RALYL: variants seen among roughly 807,000 people sequenced by gnomAD.
RALYL encodes RNA-binding Raly-like protein.
RALYL carries 29 observed loss-of-function variants against 35.1 expected under a neutral mutation model. The ratio of observed to expected loss-of-function variants is 0.83; its 90% CI spans 0.61 to 1.13. The LOEUF is 1.13. Ranked by LOEUF, RALYL falls within the 50% of genes most tolerant of loss-of-function variation. The pLI is 0.00. For synonymous variants in RALYL, 120 were observed against 127.6 expected (o/e 0.94, Z 0.40); for missense variants, 359 against 360.4 (o/e 1.00, Z 0.03).
At chr8:84,544,459 A>T (rs1003031021) in intron 2 of RALYL, among the ~76,000 whole-genome samples, 4 of 151,970 alleles carry the variant, frequency 2.6e-5, no homozygotes, top group Non-Finnish European at 5.9e-5. Flanking sequence ...TAAAAATTTC[A>T]TATCTTTTGG....
At chr8:84,449,078 G>GTTTT (rs1554671924) in intron 1 of RALYL, among the ~76,000 whole-genome samples, 202 of 124,266 alleles carry the variant, frequency 1.6e-3, no homozygotes, top group African/African-American at 5.4e-3. Flanking sequence ...TAGTTTTTTT[G>GTTTT]TTTTTTTTTT....
At chr8:84,525,230 T>C (rs1293821422) in intron 1 of RALYL, among the ~76,000 whole-genome samples, 3 of 152,024 alleles carry the variant, frequency 2.0e-5, no homozygotes, top group Non-Finnish European at 4.4e-5. Flanking sequence ...GGAGTTTTCA[T>C]AGATAGACAC....
At position 84,592,211 on chromosome 8, in the gene RALYL, C is replaced by G. The variant is rs535100962; in HGVS notation, c.256+62634C>G. Among the ~76,000 whole-genome samples the G allele has an allele frequency of 9.2e-5, 14 of 152,222 alleles. No individual in the cohort carries two copies. In the South Asian group the frequency reaches 2.9e-3, roughly 32 times the overall value. ...TCTCATAACTTGCTCTGTTTCCATA[C>G]CGCAGGGAATAGCAATTCTGTTTAA... On this transcript the variant is annotated intron_variant, in intron 2 of 8. Transcript: ENST00000521268.
chr8:84,378,985 T>C (rs1028892756), intron 1 of RALYL, among the ~76,000 whole-genome samples: 4 of 151,972 alleles, frequency 2.6e-5, no homozygotes, highest in Non-Finnish European at 1.5e-5. Context: ...TCTTGGAACC[T>C]GCCTGTTCTC....
intron 1 of RALYL, among the ~76,000 whole-genome samples, chr8:84,266,190 T>C (rs1833257615): frequency 2.0e-5 from 3 of 152,114 alleles, no homozygotes; most frequent in Non-Finnish European, 4.4e-5. Context: ...ATTCCCCAAA[T>C]ATACCTCTTG....
Position 84,543,125 on chromosome 8 carries a change from G to A in RALYL, c.256+13548G>A, listed in dbSNP as rs867491408. Among the ~76,000 whole-genome samples, 7 of 152,056 alleles carry A rather than the reference G, an allele frequency of 4.6e-5. No homozygotes were observed. The South Asian group carries it at 1.5e-3, about 32-fold the overall frequency. On this transcript the variant is annotated intron_variant, in intron 2 of 8. Coordinates refer to ENST00000521268, the MANE Select transcript of RALYL (RefSeq NM_173848.7). ...TGGAAATTATTAATTATATCTAGAG[G>A]CTTGATTAGATTCAGGTGGAATTTT...
At chr8:84,628,122 A>G (rs1823143816) in intron 2 of RALYL, among the ~76,000 whole-genome samples, 1 of 152,056 alleles carries the variant, frequency 6.6e-6, no homozygotes, top group South Asian at 2.1e-4. Flanking sequence ...AATCCTAACT[A>G]CTAAACTTGA....
At chr8:84,738,493 A>G (rs1847720029) in intron 2 of RALYL, among the ~76,000 whole-genome samples, 1 of 152,028 alleles carries the variant, frequency 6.6e-6, no homozygotes, top group Non-Finnish European at 1.5e-5. Context: ...GATTTGCATC[A>G]CTGGCAGAAA....
chr8:84,390,041 T>C (rs1367858526), intron 1 of RALYL, among the ~76,000 whole-genome samples: 1 of 152,142 alleles, frequency 6.6e-6, no homozygotes, highest in Non-Finnish European at 1.5e-5. Flanking sequence ...TTATTGACAG[T>C]TTTTTGCATG....
intron 2 of RALYL, among the ~76,000 whole-genome samples, chr8:84,634,573 A>G (rs1222599360): frequency 6.6e-6 from 1 of 151,840 alleles, no homozygotes; most frequent in Non-Finnish European, 1.5e-5. Context: ...TCATGTATTC[A>G]GTACATTTAT....
rs542950025 is a variant in RALYL, at chr8:84,818,063, G to T, written c.365+13261G>T. The stretch of plus-strand genomic sequence containing the variant: ...AAGTGTTAAGAGAATCCAATTCTCA[G>T]TTCAGAAGAGAGTGAAATCAGCACA... On this transcript the variant is annotated intron_variant, in intron 4 of 8. Transcript: ENST00000521268. Among the ~76,000 whole-genome samples the T allele has an allele frequency of 4.6e-5, 7 of 152,250 alleles. No individual in the cohort carries two copies. In the South Asian group the frequency reaches 1.5e-3, roughly 32 times the overall value.
intron 2 of RALYL, among the ~76,000 whole-genome samples, chr8:84,626,915 C>T (rs982089991): frequency 1.3e-5 from 2 of 152,098 alleles, no homozygotes; most frequent in African/African-American, 4.8e-5. Flanking sequence ...CTTTCACAGC[C>T]TTATTTCGTG....
rs959056509 is a variant in RALYL, at chr8:84,616,678, C to G, written c.256+87101C>G. 2.1e-3 allele frequency among the ~76,000 whole-genome samples: 313 copies of G among 151,700 alleles called. 8 individuals carry two copies. The highest frequency in any genetic ancestry group is 7.4e-3 in the African/African-American group (304 of 41,092). ...ATGAAGTCCTTGCCATGCCTATGTC[C>G]TGAATGGTAATGCCTAGGTTTTCTT... On this transcript the variant is annotated intron_variant, in intron 2 of 8. Coordinates refer to ENST00000521268, the MANE Select transcript of RALYL (RefSeq NM_173848.7).
chr8:84,531,792 G>A (rs971405047), intron 2 of RALYL, among the ~76,000 whole-genome samples: 1 of 152,000 alleles, frequency 6.6e-6, no homozygotes, highest in Non-Finnish European at 1.5e-5. Context: ...CTGGAGTTCT[G>A]TTTCCTATCA....
chr8:84,195,423 A>G (rs1200577232), intron 1 of RALYL, among the ~76,000 whole-genome samples: 1 of 152,162 alleles, frequency 6.6e-6, no homozygotes, highest in African/African-American at 2.4e-5. Context: ...CCAGCGACAG[A>G]GCGAGACTCC....
intron 1 of RALYL, among the ~76,000 whole-genome samples, chr8:84,432,317 G>A (rs1011554870): frequency 1.1e-4 from 16 of 152,118 alleles, no homozygotes; most frequent in African/African-American, 3.9e-4. Flanking sequence ...TATATGAGGA[G>A]TCTAAAATAG....
rs1324960645 is a variant in RALYL at position 84,823,912 on chromosome 8, G to C, written c.365+19110G>C. ...ACAAACCCACTGCCAACATCATATT[G>C]AACAGACAAAAACTGGAAGCATTCC... On this transcript the variant is annotated intron_variant, in intron 4 of 8. Coordinates refer to ENST00000521268, the MANE Select transcript of RALYL (RefSeq NM_173848.7). 4.6e-5 allele frequency among the ~76,000 whole-genome samples: 7 copies of C among 151,902 alleles called. No individual in the cohort carries two copies. The South Asian group carries it at 1.5e-3, about 32-fold the overall frequency.
chr8:84,335,709 CTTTTT>C (rs548185561), intron 1 of RALYL, among the ~76,000 whole-genome samples: 5 of 85,224 alleles, frequency 5.9e-5, no homozygotes, highest in East Asian at 3.7e-4. Flanking sequence ...GTTTTCTTAC[CTTTTT>C]TTTTTTTTTT....
At chr8:84,211,690 A>G (rs1819525413) in intron 1 of RALYL, among the ~76,000 whole-genome samples, 1 of 152,058 alleles carries the variant, frequency 6.6e-6, no homozygotes, top group South Asian at 2.1e-4. Flanking sequence ...CATGAAATTC[A>G]GGAAACTGCC....
Sources: allele counts gnomAD v4.1 joint callset (sites outside exome capture counted in the v4.1 genomes callset), GRCh38; gene constraint gnomAD v4.1.1; transcripts MANE v1.5; gene names NCBI Gene and HGNC (gene_info 2026-07-23, HGNC 2026-07-21).